DCDC2: variants seen among roughly 807,000 people sequenced by gnomAD.
DCDC2 encodes doublecortin domain containing 2.
A neutral mutation model predicts 50.2 loss-of-function variants in DCDC2; 40 were observed. The ratio of observed to expected loss-of-function variants is 0.80; its 90% CI spans 0.62 to 1.04. The LOEUF is 1.04. DCDC2 is among the 50% of genes least tolerant of loss of function. The pLI, the probability that DCDC2 is intolerant of heterozygous loss-of-function variation, is 0.00. For missense variants in DCDC2, 570 were observed against 581.9 expected, an observed-to-expected ratio of 0.98 and a Z score of 0.21; for synonymous variants, 234 against 210.6, an observed-to-expected ratio of 1.11 and a Z score of -0.96.
chr6:24,220,158 A>G (rs1325266717), intron 7 of DCDC2, among the ~76,000 whole-genome samples: 1 of 152,248 alleles, frequency 6.6e-6, no homozygotes, highest in African/African-American at 2.4e-5. Context: ...AAGTAAAATA[A>G]AAACAGTTGA....
chr6:24,297,326 GGA>G (rs1222399883), intron 4 of DCDC2, among the ~76,000 whole-genome samples: 1 of 152,118 alleles, frequency 6.6e-6, no homozygotes, highest in Non-Finnish European at 1.5e-5. Context: ...GAGGGTGGGA[GGA>G]GAGAGAGGAA....
At chr6:24,362,724 T>C (rs1301380934), upstream of DCDC2, among the ~76,000 whole-genome samples, 3 of 152,138 alleles carry the variant, frequency 2.0e-5, no homozygotes, top group Non-Finnish European at 4.4e-5. Context: ...GATCTCAAGT[T>C]TTCCTCAAAA....
intron 7 of DCDC2, among the ~76,000 whole-genome samples, chr6:24,212,817 T>G (rs1221635366): frequency 2.6e-5 from 4 of 152,214 alleles, no homozygotes; most frequent in Non-Finnish European, 5.9e-5. Context: ...CTTATGAATT[T>G]TATTGCTTAC....
intron 8 of DCDC2, among the ~76,000 whole-genome samples, chr6:24,201,672 T>C (rs1214963800): frequency 6.6e-6 from 1 of 151,978 alleles, no homozygotes; most frequent in Non-Finnish European, 1.5e-5. Context: ...CTGAAGTAGA[T>C]AGAGACACGA....
chr6:24,379,096 G>C, the DCDC2 span, among the ~76,000 whole-genome samples: 16 of 151,150 alleles, frequency 1.1e-4, no homozygotes, highest in Non-Finnish European at 2.2e-4. Context: ...AAAAACCCTA[G>C]AAGAAAACCT....
chr6:24,311,281 T>C (rs1759566531), intron 2 of DCDC2, among the ~76,000 whole-genome samples: 2 of 152,238 alleles, frequency 1.3e-5, no homozygotes, highest in Admixed American at 1.3e-4. Flanking sequence ...GAACTTTTCA[T>C]GCAATACTTT....
chr6:24,292,637 G>T (rs1178287050), intron 4 of DCDC2, among the ~76,000 whole-genome samples: 1 of 152,236 alleles, frequency 6.6e-6, no homozygotes, highest in Non-Finnish European at 1.5e-5. Context: ...GAAGGCTAAG[G>T]CAAGAGGATC....
In DCDC2 at chr6:24,316,385, T is replaced by C. The variant is rs1759659879; in HGVS notation, c.349-14341A>G. On this transcript the variant is annotated intron_variant, in intron 2 of 9. Transcript: ENST00000378454. ...AAAAGTGGACAGGGAGGTAGGAGAG[T>C]GCAATGGTAAGGGGTAAACCAAGAG... is the stretch of plus-strand genomic sequence containing the variant. Among the ~76,000 whole-genome samples the C allele has an allele frequency of 1.3e-5, 2 of 151,404 alleles. 1 individual carries two copies. Among genetic ancestry groups the C allele is most frequent in the South Asian group, 4.2e-4 (2 of 4,774 alleles).
intron 6 of DCDC2, among the ~76,000 whole-genome samples, chr6:24,287,784 T>G (rs11759147): frequency 0.064 from 9,678 of 152,292 alleles, 423 homozygotes; most frequent in Non-Finnish European, 0.098. Context: ...ATTCAGTCCT[T>G]CCCTCCCTCT....
chr6:24,349,015 T>G (rs955810774), intron 2 of DCDC2, among the ~76,000 whole-genome samples: 1 of 152,150 alleles, frequency 6.6e-6, no homozygotes, highest in Non-Finnish European at 1.5e-5. Flanking sequence ...ACTCTAAATA[T>G]CTATTTAAGA....
chr6:24,362,476 ATTT>A (rs371983857), upstream of DCDC2, among the ~76,000 whole-genome samples: 5 of 106,910 alleles, frequency 4.7e-5, no homozygotes, highest in Admixed American at 1.8e-4. Flanking sequence ...TATTTATACA[ATTT>A]TTTTATTTAA....
At chr6:24,304,971 T>C (rs997154336) in intron 2 of DCDC2, among the ~76,000 whole-genome samples, 2 of 152,204 alleles carry the variant, frequency 1.3e-5, no homozygotes, top group South Asian at 2.1e-4. Flanking sequence ...TCTGCTGTTA[T>C]CTCTTCAATA....
intron 7 of DCDC2, among the ~76,000 whole-genome samples, chr6:24,259,400 G>A (rs1012308671): frequency 3.9e-5 from 6 of 152,064 alleles, no homozygotes; most frequent in East Asian, 1.9e-4. Context: ...AGTGATATTC[G>A]CAGTCACCAT....
At chr6:24,186,719 C>A (rs1433367179) in intron 8 of DCDC2, among the ~76,000 whole-genome samples, 2 of 152,222 alleles carry the variant, frequency 1.3e-5, no homozygotes, top group African/African-American at 4.8e-5. Flanking sequence ...AAAGCTGACT[C>A]TACTCCCTGA....
chr6:24,283,834 G>A (rs1362307204), intron 6 of DCDC2, among the ~76,000 whole-genome samples: 1 of 152,198 alleles, frequency 6.6e-6, no homozygotes, highest in African/African-American at 2.4e-5. Flanking sequence ...CACTGCCTAA[G>A]CCGAGTTTGT....
At chr6:24,317,711 T>A (rs528104171) in intron 2 of DCDC2, among the ~76,000 whole-genome samples, 1 of 151,588 alleles carries the variant, frequency 6.6e-6, no homozygotes, top group Non-Finnish European at 1.5e-5. Flanking sequence ...CATAAGACAA[T>A]TGACAAACTA....
At chr6:24,348,069 A>G (rs1038096372) in intron 2 of DCDC2, among the ~76,000 whole-genome samples, 1 of 152,202 alleles carries the variant, frequency 6.6e-6, no homozygotes, top group African/African-American at 2.4e-5. Context: ...GTTAAAGCCT[A>G]ATCAGAAGTC....
At chr6:24,181,080 T>G (rs1442809853) in intron 8 of DCDC2, among the ~76,000 whole-genome samples, 1 of 152,138 alleles carries the variant, frequency 6.6e-6, no homozygotes, top group Non-Finnish European at 1.5e-5. Context: ...CCTAGGCTGT[T>G]CAAATTTTAT....
chr6:24,367,656 A>C, the DCDC2 span, among the ~76,000 whole-genome samples: 1 of 152,236 alleles, frequency 6.6e-6, no homozygotes, highest in South Asian at 2.1e-4. Flanking sequence ...AATTGTTCTC[A>C]GATGGCTGAC....
Sources: gnomAD v4.1 joint callset for allele counts (sites outside exome capture counted in the v4.1 genomes callset) on GRCh38, gnomAD v4.1.1 for gene constraint, MANE v1.5 for transcripts, NCBI Gene and HGNC (gene_info 2026-07-23, HGNC 2026-07-21) for gene names.